MID1: variants seen among roughly 807,000 people sequenced by gnomAD.
MID1 encodes midline 1, also known as E3 ubiquitin-protein ligase Midline-1.
Under a neutral mutation model 40.4 loss-of-function variants are expected in MID1, and 7 were observed. That is an observed-to-expected ratio of 0.17 (90% CI 0.10 to 0.33). The LOEUF is 0.33. Among genes scored for constraint, MID1 ranks in the 10% least tolerant of loss-of-function variants. The pLI is 1.00. For synonymous variants in MID1, 229 were observed against 221.2 expected (o/e 1.04, Z -0.31); for missense variants, 367 against 558.5 (o/e 0.66, Z 3.46).
At chrX:10,469,620 G>A (rs773718430) in intron 7 of MID1, 77 bp downstream of exon 7, 1 of 1,210,480 alleles carries the variant, frequency 8.3e-7, no homozygotes, top group Non-Finnish European at 1.1e-6. Context: ...GTCTTCCTTT[G>A]AAGTTTAAAT....
chrX:10,577,618 T>C (rs1355360972), intron 1 of MID1, among the ~76,000 whole-genome samples: 3 of 106,154 alleles, frequency 2.8e-5, no homozygotes, highest in East Asian at 5.7e-4. Context: ...GCATACATTA[T>C]GTACACACAT....
chrX:10,572,219 C>CAT (rs33986039), intron 1 of MID1, among the ~76,000 whole-genome samples: 7,822 of 100,549 alleles, frequency 0.078, 306 homozygotes, highest in Middle Eastern at 0.12. Flanking sequence ...CACACACACA[C>CAT]ATATATATAT....
chrX:10,636,514 C>G (rs913255320), intron 1 of MID1, among the ~76,000 whole-genome samples: 3 of 109,215 alleles, frequency 2.7e-5, no homozygotes, highest in Non-Finnish European at 5.7e-5. Context: ...GATTTGGACC[C>G]GGAGTGAAAA....
At chrX:10,563,974 T>G (rs1450516328) in intron 2 of MID1, among the ~76,000 whole-genome samples, 1 of 112,654 alleles carries the variant, frequency 8.9e-6, no homozygotes, top group African/African-American at 3.2e-5. Flanking sequence ...TTCATAATAA[T>G]TGCAGAATTC....
intron 5 of MID1, among the ~76,000 whole-genome samples, chrX:10,478,795 C>T (rs1375972435): frequency 8.9e-6 from 1 of 111,943 alleles, no homozygotes; most frequent in Non-Finnish European, 1.9e-5. Context: ...AGTCGCTTAA[C>T]GATGCAGAAA....
At chrX:10,566,532 CCTCTCTCT>C (rs773613255) in intron 2 of MID1, among the ~76,000 whole-genome samples, 2 of 52,876 alleles carry the variant, frequency 3.8e-5, no homozygotes, top group African/African-American at 6.0e-5. Flanking sequence ...CCTCTCTCTC[CCTCTCTCT>C]CTCTCTCTCT....
intron 1 of MID1, among the ~76,000 whole-genome samples, chrX:10,578,451 CCCT>C (rs1439845783): frequency 8.9e-6 from 1 of 112,010 alleles, no homozygotes; most frequent in Non-Finnish European, 1.9e-5. Context: ...TTTACTCCAC[CCCT>C]CAAGAGAAAA....
At position 10,449,536 on chromosome X, in the gene MID1, G is replaced by A. The variant is rs752631331; in HGVS notation, c.1836C>T (p.Asn612=). The A allele has an allele frequency of 6.6e-6, 8 of 1,210,216 alleles. No individual in the cohort carries two copies. The highest frequency in any genetic ancestry group is 3.5e-5 in the South Asian group (2 of 56,814). The part of the protein sequence containing the change: ...RRVGILLDYD[N]GSIAFYDALN... The stretch of plus-strand genomic sequence containing the variant: ...AAGCATCATAAAAGGCGATAGAGCC[G>A]TTATCATAGTCCAGCAGGATGCCCA... The change falls in exon 10 of 10, where the codon AAC becomes AAT. Residue 612 remains asparagine (N), a synonymous_variant. Coordinates refer to ENST00000317552, the MANE Select transcript of MID1 (RefSeq NM_000381.4).
chrX:10,683,212 G>A (rs188503333), intron 1 of MID1, among the ~76,000 whole-genome samples: 2,145 of 111,559 alleles, frequency 0.019, 51 homozygotes, highest in African/African-American at 0.066. Flanking sequence ...GAAATAAAAA[G>A]TTTCACTTCA....
chrX:10,715,237 C>G (rs1369286912), intron 1 of MID1, among the ~76,000 whole-genome samples: 1 of 112,267 alleles, frequency 8.9e-6, no homozygotes, highest in African/African-American at 3.2e-5. Flanking sequence ...TGAGCTGAAG[C>G]AGGGCGAGGC....
chrX:10,720,963 C>G (rs1912201943), intron 1 of MID1, among the ~76,000 whole-genome samples: 1 of 107,975 alleles, frequency 9.3e-6, no homozygotes, highest in Non-Finnish European at 1.9e-5. Flanking sequence ...AAACCGAACA[C>G]CGCATGTTCT....
chrX:10,625,699 A>G (rs947326708), intron 1 of MID1, among the ~76,000 whole-genome samples: 1 of 112,225 alleles, frequency 8.9e-6, no homozygotes, highest in African/African-American at 3.2e-5. Flanking sequence ...TTACCAAGTC[A>G]TACTATCAAT....
chrX:10,625,692 C>A (rs1935988625), intron 1 of MID1, among the ~76,000 whole-genome samples: 1 of 111,952 alleles, frequency 8.9e-6, no homozygotes, highest in South Asian at 3.7e-4. Flanking sequence ...CAGTTCTTTA[C>A]CAAGTCATAC....
chrX:10,520,799 C>T (rs969742388), intron 3 of MID1, among the ~76,000 whole-genome samples: 3 of 111,183 alleles, frequency 2.7e-5, no homozygotes, highest in African/African-American at 9.8e-5. Context: ...GATACAAAGA[C>T]GAATTAGATT....
At chrX:10,577,060 C>G (rs1419964362) in intron 1 of MID1, 1 of 112,251 alleles carries the variant, frequency 8.9e-6, no homozygotes, top group Non-Finnish European at 1.9e-5. Context: ...CTTCCCTATC[C>G]TCTGGCCTAC....
intron 1 of MID1, among the ~76,000 whole-genome samples, chrX:10,596,473 AAC>A (rs1935414168): frequency 8.9e-6 from 1 of 112,266 alleles, no homozygotes; most frequent in Non-Finnish European, 1.9e-5. Context: ...TAAAACATAC[AAC>A]AGTTCCAAGA....
At chrX:10,721,034 AC>A (rs1461135941) in intron 1 of MID1, among the ~76,000 whole-genome samples, 1 of 82,390 alleles carries the variant, frequency 1.2e-5, no homozygotes, top group Non-Finnish European at 2.3e-5. Context: ...AACATCACAC[AC>A]CAGGGCCTGT....
intron 1 of MID1, among the ~76,000 whole-genome samples, chrX:10,584,025 C>T (rs1194795801): frequency 2.8e-5 from 3 of 106,575 alleles, no homozygotes; most frequent in African/African-American, 1.0e-4. Flanking sequence ...ACTGAGACTC[C>T]ATCTAAAAAA....
At chrX:10,626,881 G>C (rs1936001325) in intron 1 of MID1, among the ~76,000 whole-genome samples, 1 of 111,370 alleles carries the variant, frequency 9.0e-6, no homozygotes, top group Non-Finnish European at 1.9e-5. Flanking sequence ...GGATGAGGAG[G>C]GCTAATTCCT....
Sources: gnomAD v4.1 joint callset for allele counts (sites outside exome capture counted in the v4.1 genomes callset) on GRCh38, gnomAD v4.1.1 for gene constraint, MANE v1.5 for transcripts, NCBI Gene and HGNC (gene_info 2026-07-23, HGNC 2026-07-21) for gene names.